IMMP2L: variants seen among roughly 807,000 people sequenced by gnomAD.
The protein encoded by IMMP2L is inner mitochondrial membrane peptidase subunit 2.
In IMMP2L, 18 loss-of-function variants were observed where a neutral mutation model predicts 19.3. That is an observed-to-expected ratio of 0.93 (90% CI 0.64 to 1.38). The LOEUF is 1.38. Ranked by LOEUF, IMMP2L falls within the 40% of genes most tolerant of loss-of-function variation. The pLI is 0.00. For synonymous variants in IMMP2L, 76 were observed against 73.0 expected (o/e 1.04, Z -0.21); for missense variants, 233 against 218.2 (o/e 1.07, Z -0.43).
chr7:111,114,824 A>G (rs1013003618), intron 3 of IMMP2L, among the ~76,000 whole-genome samples: 18 of 152,244 alleles, frequency 1.2e-4, no homozygotes, highest in African/African-American at 4.1e-4. Context: ...CAAAAATTAT[A>G]TAATAATAGA....
intron 1 of IMMP2L, among the ~76,000 whole-genome samples, chr7:111,531,741 A>T (rs1322946432): frequency 6.6e-6 from 1 of 152,196 alleles, no homozygotes; most frequent in Non-Finnish European, 1.5e-5. Flanking sequence ...TTAAGCTAAC[A>T]ATGTGAGGAC....
chr7:110,958,096 C>T (rs1818551009), intron 4 of IMMP2L, among the ~76,000 whole-genome samples: 1 of 151,938 alleles, frequency 6.6e-6, no homozygotes, highest in African/African-American at 2.4e-5. Flanking sequence ...TTAACCTGAT[C>T]ACCCAAAAAT....
intron 3 of IMMP2L, among the ~76,000 whole-genome samples, chr7:111,385,307 A>G (rs1831624238): frequency 6.6e-6 from 1 of 152,116 alleles, no homozygotes. Flanking sequence ...TGCATTGCTT[A>G]CACTCCTTTC....
intron 3 of IMMP2L, among the ~76,000 whole-genome samples, chr7:111,026,307 G>C (rs558000558): frequency 6.6e-6 from 1 of 151,946 alleles, no homozygotes; most frequent in South Asian, 2.1e-4. Context: ...ATATCTTTTT[G>C]CTCCCTATAA....
intron 2 of IMMP2L, among the ~76,000 whole-genome samples, chr7:111,516,282 G>T (rs78442216): frequency 0.011 from 1,602 of 151,984 alleles, 33 homozygotes; most frequent in African/African-American, 0.035. Flanking sequence ...CATGATGTAT[G>T]CAACCTACTT....
intron 5 of IMMP2L, among the ~76,000 whole-genome samples, chr7:110,751,323 A>T (rs1584719515): frequency 6.6e-6 from 1 of 151,956 alleles, no homozygotes; most frequent in Admixed American, 6.6e-5. Context: ...TCATGACAAT[A>T]CTCCTTTAGA....
intron 3 of IMMP2L, among the ~76,000 whole-genome samples, chr7:111,055,112 G>A (rs1300862822): frequency 2.0e-5 from 3 of 150,926 alleles, no homozygotes; most frequent in Non-Finnish European, 2.9e-5. Flanking sequence ...GTGCAGTGGT[G>A]CAATCACGTC....
intron 3 of IMMP2L, among the ~76,000 whole-genome samples, chr7:111,220,715 G>A (rs112773024): frequency 2.6e-5 from 4 of 152,004 alleles, no homozygotes; most frequent in African/African-American, 9.6e-5. Flanking sequence ...GATCATGGAA[G>A]TAAAGTCCCA....
chr7:111,308,203 GA>G (rs1823098029), intron 3 of IMMP2L, among the ~76,000 whole-genome samples: 1 of 151,872 alleles, frequency 6.6e-6, no homozygotes. Flanking sequence ...CTATCTCACA[GA>G]TATATTGTGA....
intron 3 of IMMP2L, among the ~76,000 whole-genome samples, chr7:111,421,449 T>G (rs1474443029): frequency 2.6e-5 from 4 of 150,970 alleles, no homozygotes; most frequent in Non-Finnish European, 5.9e-5. Flanking sequence ...TTTTTTTGTA[T>G]TTTTAGTAGA....
intron 3 of IMMP2L, among the ~76,000 whole-genome samples, chr7:111,438,357 G>T (rs960314121): frequency 6.6e-6 from 1 of 151,308 alleles, no homozygotes; most frequent in Non-Finnish European, 1.5e-5. Context: ...TTTATAAACT[G>T]TCATCTCTTT....
intron 5 of IMMP2L, among the ~76,000 whole-genome samples, chr7:110,783,681 A>G (rs1799890785): frequency 6.6e-6 from 1 of 151,942 alleles, no homozygotes; most frequent in Admixed American, 6.6e-5. Context: ...CAAACAATTG[A>G]AAGAGGAAGA....
intron 5 of IMMP2L, among the ~76,000 whole-genome samples, chr7:110,743,911 C>G (rs1797153472): frequency 6.6e-6 from 1 of 151,850 alleles, no homozygotes; most frequent in Admixed American, 6.6e-5. Flanking sequence ...TGAAACAGAA[C>G]CGTTCACTCC....
chr7:111,111,946 T>G (rs865975555), intron 3 of IMMP2L, among the ~76,000 whole-genome samples: 115 of 115,520 alleles, frequency 1.0e-3, no homozygotes, highest in Admixed American at 2.3e-3. Context: ...TAGTTTGTTT[T>G]TTTTTTTTTT....
intron 3 of IMMP2L, among the ~76,000 whole-genome samples, chr7:111,387,564 C>A (rs543687893): frequency 8.9e-4 from 136 of 152,256 alleles, no homozygotes; most frequent in Non-Finnish European, 1.4e-3. Flanking sequence ...TATTCATAAA[C>A]TATCTTTAAC....
At chr7:111,184,044 C>A (rs74931911) in intron 3 of IMMP2L, among the ~76,000 whole-genome samples, 8,091 of 151,942 alleles carry the variant, frequency 0.053, 408 homozygotes, top group African/African-American at 0.13. Flanking sequence ...TTATCCAGCT[C>A]ATTTATGGAA....
rs112694183 is a variant in IMMP2L, at chr7:111,078,975, C to G, written c.240-115410G>C. Reference sequence around the variant, plus strand: ...GAACTCCTGACCTGAGGTGATCCACCTGCCTTGACCTCCCAAAGTGCTGGG... The same window carrying G: ...GAACTCCTGACCTGAGGTGATCCACGTGCCTTGACCTCCCAAAGTGCTGGG... On this transcript the variant is annotated intron_variant, in intron 3 of 5. Coordinates refer to ENST00000405709, the MANE Select transcript of IMMP2L (RefSeq NM_032549.4). 2.0e-3 allele frequency among the ~76,000 whole-genome samples: 307 copies of G among 152,190 alleles called. 3 individuals carry two copies. Among genetic ancestry groups the G allele is most frequent in the African/African-American group, 7.0e-3 (291 of 41,522 alleles).
chr7:111,541,174 C>G (rs1465008910), intron 1 of IMMP2L, among the ~76,000 whole-genome samples: 2 of 152,146 alleles, frequency 1.3e-5, no homozygotes, highest in Non-Finnish European at 2.9e-5. Flanking sequence ...AATGGCCCCT[C>G]CCTCACAGTA....
At chr7:111,103,426 AT>A (rs754104653) in intron 3 of IMMP2L, among the ~76,000 whole-genome samples, 2 of 151,644 alleles carry the variant, frequency 1.3e-5, no homozygotes, top group Admixed American at 6.6e-5. Flanking sequence ...CTTTCCAAGG[AT>A]TTTTTCTTCT....
Sources: gnomAD v4.1 joint callset for allele counts (sites outside exome capture counted in the v4.1 genomes callset) on GRCh38, gnomAD v4.1.1 for gene constraint, MANE v1.5 for transcripts, NCBI Gene and HGNC (gene_info 2026-07-23, HGNC 2026-07-21) for gene names.